The following FHIT variants were observed in gnomAD, a reference collection of about 807,000 sequenced individuals.
FHIT encodes fragile histidine triad diadenosine triphosphatase.
Under a neutral mutation model 17.9 loss-of-function variants are expected in FHIT, and 19 were observed. The observed-to-expected ratio is 1.06, with a 90% CI of 0.74 to 1.56. The LOEUF (loss-of-function observed/expected upper bound fraction) is 1.56. Among genes scored for constraint, FHIT ranks in the 40% most tolerant of loss-of-function variants. FHIT has a pLI of 0.00. For missense variants in FHIT, 248 were observed against 189.2 expected, an observed-to-expected ratio of 1.31 and a Z score of -1.82; for synonymous variants, 81 against 69.7, an observed-to-expected ratio of 1.16 and a Z score of -0.81.
intron 5 of FHIT, among the ~76,000 whole-genome samples, chr3:60,160,910 T>C (rs1258573674): frequency 6.6e-6 from 1 of 152,046 alleles, no homozygotes; most frequent in Non-Finnish European, 1.5e-5. Context: ...AATATGATCC[T>C]GATAATTTTC....
At chr3:61,163,855 T>A (rs1231845302) in intron 2 of FHIT, among the ~76,000 whole-genome samples, 1 of 152,186 alleles carries the variant, frequency 6.6e-6, no homozygotes, top group Admixed American at 6.5e-5. Flanking sequence ...TTATACTAAA[T>A]AAATTTATGT....
intron 2 of FHIT, among the ~76,000 whole-genome samples, chr3:61,100,314 G>A (rs1016371209): frequency 9.9e-5 from 15 of 152,086 alleles, no homozygotes; most frequent in African/African-American, 1.7e-4. Context: ...TGCGGTGTCC[G>A]GTTTTCTGTC....
chr3:61,239,766 T>TATATATAC (rs2040325886), intron 1 of FHIT, among the ~76,000 whole-genome samples: 1 of 131,632 alleles, frequency 7.6e-6, no homozygotes, highest in African/African-American at 2.9e-5. Context: ...ACTGGCCATA[T>TATATATAC]ATATATATAT....
intron 5 of FHIT, among the ~76,000 whole-genome samples, chr3:60,110,607 C>T (rs1033097959): frequency 6.6e-6 from 1 of 152,122 alleles, no homozygotes; most frequent in Admixed American, 6.5e-5. Flanking sequence ...ACATCACCTC[C>T]GAGCCTCAGT....
chr3:60,214,156 G>C (rs540874968), intron 5 of FHIT, among the ~76,000 whole-genome samples: 1 of 152,178 alleles, frequency 6.6e-6, no homozygotes, highest in East Asian at 1.9e-4. Flanking sequence ...TTATTTGAGA[G>C]TTTCATATTT....
At chr3:60,789,142 A>AGG (rs149151540) in intron 4 of FHIT, among the ~76,000 whole-genome samples, 38,391 of 128,854 alleles carry the variant, frequency 0.3, 5,569 homozygotes, top group Middle Eastern at 0.36. Context: ...ATAGAGAGAG[A>AGG]TGTGTGTGTG....
chr3:60,138,588 C>T (rs1343021429), intron 5 of FHIT, among the ~76,000 whole-genome samples: 2 of 152,086 alleles, frequency 1.3e-5, no homozygotes, highest in Admixed American at 1.3e-4. Context: ...TCATTGCATC[C>T]TCATGACAAC....
chr3:60,313,813 AG>A (rs1709052482), intron 5 of FHIT, among the ~76,000 whole-genome samples: 1 of 152,196 alleles, frequency 6.6e-6, no homozygotes, highest in African/African-American at 2.4e-5. Context: ...CGGACTTTGA[AG>A]TTACTGGCAC....
intron 4 of FHIT, among the ~76,000 whole-genome samples, chr3:60,634,284 A>G (rs576606249): frequency 7.0e-6 from 1 of 143,032 alleles, no homozygotes; most frequent in Admixed American, 7.2e-5. Flanking sequence ...ACACCACTCT[A>G]AAACAACAAA....
chr3:60,210,141 A>T (rs187258736), intron 5 of FHIT, among the ~76,000 whole-genome samples: 4 of 152,354 alleles, frequency 2.6e-5, no homozygotes. Flanking sequence ...GAGGTAAAAG[A>T]TAAACCCAAG....
intron 5 of FHIT, among the ~76,000 whole-genome samples, chr3:60,182,583 G>A (rs1382909693): frequency 2.0e-5 from 3 of 151,934 alleles, no homozygotes; most frequent in African/African-American, 7.2e-5. Flanking sequence ...TTTGAGACCA[G>A]CCTGGGCAAC....
At chr3:60,109,741 T>C (rs1436308170) in intron 5 of FHIT, among the ~76,000 whole-genome samples, 3 of 152,116 alleles carry the variant, frequency 2.0e-5, no homozygotes, top group African/African-American at 7.2e-5. Flanking sequence ...GGAAGACATG[T>C]TCTTAGCTTT....
intron 3 of FHIT, among the ~76,000 whole-genome samples, chr3:60,825,021 C>G (rs781904900): frequency 4.6e-5 from 7 of 152,128 alleles, no homozygotes; most frequent in African/African-American, 1.7e-4. Context: ...TTCTATCAGA[C>G]TAGTTAACAT....
intron 2 of FHIT, among the ~76,000 whole-genome samples, chr3:61,170,741 T>TTAAATGTACCATTAA (rs2107131714): frequency 6.6e-6 from 1 of 152,342 alleles, no homozygotes; most frequent in African/African-American, 2.4e-5. Context: ...TAATGGTGTA[T>TTAAATGTACCATTAA]ATGTACCACC....
At chr3:60,167,193 T>C (rs1382889596) in intron 5 of FHIT, among the ~76,000 whole-genome samples, 2 of 152,176 alleles carry the variant, frequency 1.3e-5, no homozygotes, top group Admixed American at 6.5e-5. Context: ...CTTGTGGAAA[T>C]AAAGTGCCAT....
At chr3:60,424,204 C>G (rs560198690) in intron 5 of FHIT, among the ~76,000 whole-genome samples, 1 of 152,192 alleles carries the variant, frequency 6.6e-6, no homozygotes, top group Admixed American at 6.5e-5. Flanking sequence ...AATCACTTGG[C>G]CCAAAGTTAC....
chr3:60,056,711 T>A (rs75656109), intron 5 of FHIT, among the ~76,000 whole-genome samples: 1 of 152,238 alleles, frequency 6.6e-6, no homozygotes, highest in East Asian at 1.9e-4. Context: ...TTTTGCTGGC[T>A]TGGCAGGAAA....
intron 5 of FHIT, among the ~76,000 whole-genome samples, chr3:60,371,924 T>C (rs1285067685): frequency 3.3e-5 from 5 of 151,644 alleles, no homozygotes; most frequent in African/African-American, 1.2e-4. Flanking sequence ...ATTACAATTC[T>C]AATTTATTTT....
chr3:61,070,408 C>T (rs57183031), intron 2 of FHIT, among the ~76,000 whole-genome samples: 3,124 of 152,282 alleles, frequency 0.021, 97 homozygotes, highest in African/African-American at 0.07. Flanking sequence ...GTCTCCTCCT[C>T]CAGTTTTGAG....
Sources: allele counts gnomAD v4.1 joint callset (sites outside exome capture counted in the v4.1 genomes callset), GRCh38; gene constraint gnomAD v4.1.1; transcripts MANE v1.5; gene names NCBI Gene and HGNC (gene_info 2026-07-23, HGNC 2026-07-21).